The following TTC13 variants were observed in gnomAD, a reference collection of about 807,000 sequenced individuals.
TTC13 encodes the protein tetratricopeptide repeat protein 13.
TTC13 carries 62 observed loss-of-function variants against 120.0 expected under a neutral mutation model. That is an observed-to-expected ratio of 0.52 (90% CI 0.42 to 0.64). The LOEUF (loss-of-function observed/expected upper bound fraction) is 0.64. Ranked by LOEUF, TTC13 falls within the 30% of genes least tolerant of loss-of-function variation. The pLI is 0.00. For synonymous variants in TTC13, 384 were observed against 393.5 expected (o/e 0.98, Z 0.28); for missense variants, 824 against 1,050.2 (o/e 0.78, Z 2.98).
intron 2 of TTC13, among the ~76,000 whole-genome samples, chr1:230,958,939 G>C (rs1676365426): frequency 6.6e-6 from 1 of 152,180 alleles, no homozygotes; most frequent in Admixed American, 6.5e-5. Flanking sequence ...AGGCTGCAGG[G>C]AGCCCTGATT....
At position 230,944,106 on chromosome 1, in the gene TTC13, C is replaced by T. The variant is rs1444002823; in HGVS notation, c.580-208G>A. On this transcript the variant is annotated intron_variant, in intron 5 of 22. Transcript: ENST00000366661. The surrounding 1 kb of genome is among the most constrained non-coding windows in gnomAD (Gnocchi z 4.0). ...CACTCAAGTCTACCTACTTACTCAA[C>T]AATAACATGTTAGACCCGGCTACCT... Among the ~76,000 whole-genome samples, 1 of 152,182 alleles carries T rather than the reference C, an allele frequency of 6.6e-6. No homozygotes were observed.
chr1:230,932,996 A>G (rs1422211543), intron 9 of TTC13, among the ~76,000 whole-genome samples: 1 of 152,072 alleles, frequency 6.6e-6, no homozygotes, highest in African/African-American at 2.4e-5. Flanking sequence ...GTTTTGAGAT[A>G]GAGTCTCGCT....
rs1329980204 is a variant in TTC13, at chr1:230,940,355, A to G, written c.789+85T>C. ...ATATTACTAAACAGTCAAAGCCCAA[A>G]TCTATCAAAGAGTCACTTTCTGAGG... On this transcript the variant is annotated intron_variant, in intron 7 of 22. Coordinates refer to ENST00000366661, the MANE Select transcript of TTC13 (RefSeq NM_024525.5). The surrounding 1 kb of genome is among the most constrained non-coding windows in gnomAD (Gnocchi z 4.1). The G allele has an allele frequency of 1.2e-5, 10 of 866,530 alleles. No homozygotes were observed. Among genetic ancestry groups the G allele is most frequent in the Non-Finnish European group, 1.9e-5 (10 of 536,790 alleles). 53.7% of individuals were successfully genotyped at this position (866,530 alleles called of 1,614,324 possible).
intron 20 of TTC13, among the ~76,000 whole-genome samples, chr1:230,910,042 G>A (rs904003765): frequency 3.9e-5 from 6 of 152,148 alleles, no homozygotes; most frequent in Non-Finnish European, 5.9e-5. Flanking sequence ...AAAACAAATC[G>A]GCTCAAAATA....
chr1:230,938,243 G>A (rs1674245645), intron 8 of TTC13, among the ~76,000 whole-genome samples: 1 of 152,206 alleles, frequency 6.6e-6, no homozygotes, highest in Non-Finnish European at 1.5e-5. Context: ...TGTGCAGGCT[G>A]CCTCTGTTTC....
intron 1 of TTC13, among the ~76,000 whole-genome samples, chr1:230,968,194 GC>G (rs1362158178): frequency 8.2e-6 from 1 of 121,996 alleles, no homozygotes; most frequent in Admixed American, 8.6e-5. Flanking sequence ...TGGGGGGGGG[GC>G]CTTTTTGTTT....
intron 1 of TTC13, among the ~76,000 whole-genome samples, chr1:230,975,643 G>C (rs1375908045): frequency 6.6e-6 from 1 of 151,974 alleles, no homozygotes; most frequent in African/African-American, 2.4e-5. Context: ...ACAAGTTTGT[G>C]GTTATATGCT....
chr1:230,919,252 G>A (rs1207808074), intron 17 of TTC13, among the ~76,000 whole-genome samples: 1 of 151,106 alleles, frequency 6.6e-6, no homozygotes, highest in African/African-American at 2.4e-5. Context: ...AAGAGAGCAA[G>A]ACCCTGTCTC....
Position 230,940,281 on chromosome 1 carries a change from G to A in TTC13, c.789+159C>T, listed in dbSNP as rs958753918. 6.6e-6 allele frequency among the ~76,000 whole-genome samples: 1 copy of A among 152,100 alleles called. No individual in the cohort carries two copies. The highest frequency in any genetic ancestry group is 1.5e-5 in the Non-Finnish European group (1 of 68,022). ...TTTAGTACTTAATGTTCTCCACTGG[G>A]TTTAATTTCAGCTACAGAAAATGCT... On this transcript the variant is annotated intron_variant, in intron 7 of 22. Coordinates refer to ENST00000366661, the MANE Select transcript of TTC13 (RefSeq NM_024525.5). The surrounding 1 kb of genome is among the most constrained non-coding windows in gnomAD (Gnocchi z 4.1).
rs868123753 is a variant in TTC13 at position 230,944,698 on chromosome 1, A to G, written c.579+691T>C. 1.3e-5 allele frequency among the ~76,000 whole-genome samples: 2 copies of G among 152,142 alleles called. No individual in the cohort carries two copies. The highest frequency in any genetic ancestry group is 2.9e-5 in the Non-Finnish European group (2 of 68,032). On this transcript the variant is annotated intron_variant, in intron 5 of 22. Transcript: ENST00000366661. The surrounding 1 kb of genome is among the most constrained non-coding windows in gnomAD (Gnocchi z 4.0). The stretch of plus-strand genomic sequence containing the variant: ...AATGTTAAACATTTTTAATATTTTA[A>G]TGTAAAAGTTGCAAAAGTGGCATTT...
intron 22 of TTC13, 110 bp from the exon 23 acceptor site, chr1:230,907,129 T>C (rs909729708): frequency 1.6e-5 from 7 of 446,870 alleles, no homozygotes; most frequent in Non-Finnish European, 2.4e-5. Context: ...CATGTTGTAA[T>C]ATCAAACAGT....
chr1:230,959,031 G>A (rs998389082), intron 2 of TTC13, among the ~76,000 whole-genome samples: 1 of 152,134 alleles, frequency 6.6e-6, no homozygotes, highest in Non-Finnish European at 1.5e-5. Context: ...TGGCTTGATT[G>A]TGGCAACCAT....
intron 1 of TTC13, among the ~76,000 whole-genome samples, chr1:230,963,578 T>C (rs2102975533): frequency 6.6e-6 from 1 of 151,900 alleles, no homozygotes; most frequent in East Asian, 1.9e-4. Context: ...GAAGCTGCAG[T>C]GAACCATGAT....
intron 4 of TTC13, among the ~76,000 whole-genome samples, chr1:230,945,808 G>A (rs1296185204): frequency 6.6e-6 from 1 of 152,118 alleles, no homozygotes; most frequent in Non-Finnish European, 1.5e-5. Flanking sequence ...AGGCTCAGAG[G>A]GGTAAAGAGA....
chr1:230,908,659 CT>C, intron 22 of TTC13, 52 bp downstream of exon 22: 5 of 1,471,518 alleles, frequency 3.4e-6, no homozygotes, highest in Non-Finnish European at 4.7e-6. Flanking sequence ...CAGGAAACTC[CT>C]TTTCCTCCTC....
intron 1 of TTC13, among the ~76,000 whole-genome samples, chr1:230,966,770 C>T (rs1677167804): frequency 6.6e-6 from 1 of 152,156 alleles, no homozygotes; most frequent in Admixed American, 6.5e-5. Flanking sequence ...TTACCGTGTA[C>T]AGGCAACCTT....
chr1:230,943,875 A>G lies in TTC13; in HGVS notation c.603T>C (p.Ala201=). The change falls in exon 6 of 23, where the codon GCT becomes GCC. Residue 201 remains alanine (A), a synonymous_variant. Transcript: ENST00000366661. ...TAATTACTCGGCTCAGTTCGAACAG[A>G]GCAAGCTCAGCATTCTTAATGTCCT... The part of the protein sequence containing the change: ...GLHDIKNAEL[A]LFELSRVITL... The G allele has an allele frequency of 1.9e-6, 3 of 1,610,516 alleles. No individual in the cohort carries two copies. The highest frequency in any genetic ancestry group is 1.3e-5 in the African/African-American group (1 of 74,986).
At chr1:230,924,010 G>T (rs1235373305) in intron 14 of TTC13, 77 bp from the exon 15 acceptor site, 79 of 1,153,520 alleles carry the variant, frequency 6.8e-5, no homozygotes, top group Non-Finnish European at 9.6e-5. Context: ...TGTTTGCAAA[G>T]GTGGGGATAA....
intron 1 of TTC13, among the ~76,000 whole-genome samples, chr1:230,970,334 C>T (rs895916900): frequency 1.3e-5 from 2 of 152,210 alleles, no homozygotes; most frequent in African/African-American, 4.8e-5. Flanking sequence ...ATATGAACAT[C>T]TCCTTTGAGG....
Sources: gnomAD v4.1 joint callset for allele counts (sites outside exome capture counted in the v4.1 genomes callset) on GRCh38, gnomAD v4.1.1 for gene constraint, Gnocchi (gnomAD v3.1) non-coding constraint, MANE v1.5 for transcripts, NCBI Gene and HGNC (gene_info 2026-07-23, HGNC 2026-07-21) for gene names.